Variants in CADM2 observed in about 807,000 individuals in gnomAD.
CADM2 encodes immunoglobulin superfamily member 4D.
In CADM2, 12 loss-of-function variants were observed where a neutral mutation model predicts 49.8. The observed-to-expected ratio is 0.24, with a 90% confidence interval of 0.15 to 0.39. The LOEUF (loss-of-function observed/expected upper bound fraction) is 0.39, where lower values mean the gene tolerates loss of function less well. CADM2 is among the 10% of genes least tolerant of loss of function. The pLI, the probability that CADM2 is intolerant of heterozygous loss-of-function variation, is 1.00. For synonymous variants in CADM2, 214 were observed against 175.4 expected, an observed-to-expected ratio of 1.22 and a Z score of -1.74; for missense variants, 378 against 492.3, an observed-to-expected ratio of 0.77 and a Z score of 2.20.
chr3:85,694,590 T>C (rs1268696039), intron 1 of CADM2, among the ~76,000 whole-genome samples: 2 of 152,228 alleles, frequency 1.3e-5, no homozygotes, highest in East Asian at 3.8e-4. Flanking sequence ...GCAATATGAA[T>C]ATATTGATAG....
At chr3:85,496,492 GC>G (rs2039904262) in intron 1 of CADM2, among the ~76,000 whole-genome samples, 1 of 152,148 alleles carries the variant, frequency 6.6e-6, no homozygotes, top group African/African-American at 2.4e-5. Context: ...GAATAGTGTT[GC>G]AATGAACATA....
chr3:85,677,323 C>T (rs978840814), intron 1 of CADM2, among the ~76,000 whole-genome samples: 5 of 152,086 alleles, frequency 3.3e-5, no homozygotes, highest in African/African-American at 1.2e-4. Flanking sequence ...TTATTTATAG[C>T]ATTCACTCAC....
At chr3:85,597,253 C>T (rs1445158565) in intron 1 of CADM2, among the ~76,000 whole-genome samples, 1 of 151,974 alleles carries the variant, frequency 6.6e-6, no homozygotes, top group Non-Finnish European at 1.5e-5. Flanking sequence ...ATACAACTCT[C>T]AAATCTATAT....
At chr3:85,515,676 T>C (rs1245902877) in intron 1 of CADM2, among the ~76,000 whole-genome samples, 1 of 149,660 alleles carries the variant, frequency 6.7e-6, no homozygotes, top group Non-Finnish European at 1.5e-5. Flanking sequence ...TTCACCATGT[T>C]GGCCAGGCTG....
chr3:85,096,864 T>A (rs959798032), intron 1 of CADM2, among the ~76,000 whole-genome samples: 1 of 152,214 alleles, frequency 6.6e-6, no homozygotes, highest in Non-Finnish European at 1.5e-5. Context: ...TTGCTTTTGT[T>A]TAACCTTCAG....
chr3:85,923,635 A>G (rs2108509308), intron 6 of CADM2, among the ~76,000 whole-genome samples: 1 of 152,212 alleles, frequency 6.6e-6, no homozygotes. Flanking sequence ...TACAAAAGAA[A>G]ATCCAAAACC....
chr3:85,282,784 T>A (rs757372967), intron 1 of CADM2, among the ~76,000 whole-genome samples: 4 of 152,080 alleles, frequency 2.6e-5, no homozygotes, highest in Non-Finnish European at 5.9e-5. Flanking sequence ...CTAAAATATA[T>A]AAGATATTGG....
chr3:84,993,232 G>C (rs1339720629), intron 1 of CADM2, among the ~76,000 whole-genome samples: 1 of 152,146 alleles, frequency 6.6e-6, no homozygotes, highest in Non-Finnish European at 1.5e-5. Context: ...ACGAAAAGAA[G>C]TGTGTTAGCA....
chr3:85,193,253 CA>C (rs2041253184), intron 1 of CADM2, among the ~76,000 whole-genome samples: 1 of 151,882 alleles, frequency 6.6e-6, no homozygotes, highest in Non-Finnish European at 1.5e-5. Context: ...AGAATGATAT[CA>C]AGGATATGAT....
chr3:85,701,813 C>A (rs2066762454), intron 1 of CADM2, among the ~76,000 whole-genome samples: 1 of 151,720 alleles, frequency 6.6e-6, no homozygotes, highest in South Asian at 2.1e-4. Flanking sequence ...TGCCACTATT[C>A]AAACCTCTTT....
At chr3:85,195,148 T>A (rs2041310817) in intron 1 of CADM2, among the ~76,000 whole-genome samples, 1 of 152,136 alleles carries the variant, frequency 6.6e-6, no homozygotes, top group African/African-American at 2.4e-5. Context: ...CCAAAACATG[T>A]CAAGAGGCAA....
chr3:85,552,155 G>A (rs1406577664), intron 1 of CADM2, among the ~76,000 whole-genome samples: 5 of 151,970 alleles, frequency 3.3e-5, no homozygotes, highest in African/African-American at 7.3e-5. Context: ...TTAGACATGA[G>A]CTATCCAGAC....
chr3:85,375,187 C>T (rs2033515169), intron 1 of CADM2, among the ~76,000 whole-genome samples: 1 of 152,116 alleles, frequency 6.6e-6, no homozygotes, highest in Middle Eastern at 3.4e-3. Flanking sequence ...GTATATTATC[C>T]ACATTTTCAA....
At chr3:85,293,137 C>A (rs1372001623) in intron 1 of CADM2, among the ~76,000 whole-genome samples, 2 of 152,082 alleles carry the variant, frequency 1.3e-5, no homozygotes, top group Non-Finnish European at 2.9e-5. Context: ...ATACAAACTA[C>A]CATCAGAGAA....
At chr3:85,512,870 C>A (rs1046516391) in intron 1 of CADM2, among the ~76,000 whole-genome samples, 2 of 151,912 alleles carry the variant, frequency 1.3e-5, no homozygotes, top group African/African-American at 4.8e-5. Context: ...ATGAATCAAT[C>A]ATTTCCCTAG....
At chr3:85,677,696 G>C (rs563745895) in intron 1 of CADM2, among the ~76,000 whole-genome samples, 7 of 152,268 alleles carry the variant, frequency 4.6e-5, no homozygotes, top group African/African-American at 1.7e-4. Context: ...TATTCTGAAT[G>C]AACTCTAAGT....
chr3:85,541,734 TATA>T (rs1559897531), intron 1 of CADM2, among the ~76,000 whole-genome samples: 1 of 56,866 alleles, frequency 1.8e-5, no homozygotes, highest in African/African-American at 4.8e-5. Context: ...ATATATATTT[TATA>T]TATATATTTT....
chr3:85,828,099 C>G (rs1459360627), intron 3 of CADM2: 1 of 151,882 alleles, frequency 6.6e-6, no homozygotes, highest in Non-Finnish European at 1.5e-5. Context: ...GTACCACTTA[C>G]CATTTATTAC....
chr3:85,137,071 A>G (rs1434265272), intron 1 of CADM2, among the ~76,000 whole-genome samples: 1 of 151,932 alleles, frequency 6.6e-6, no homozygotes, highest in South Asian at 2.1e-4. Flanking sequence ...CAAAAGCATA[A>G]ATAATTAATC....
Sources: allele counts gnomAD v4.1 joint callset (sites outside exome capture counted in the v4.1 genomes callset), GRCh38; gene constraint gnomAD v4.1.1; transcripts MANE v1.5; gene names NCBI Gene and HGNC (gene_info 2026-07-23, HGNC 2026-07-21).